The following OCA2 variants were observed in gnomAD, a reference collection of about 807,000 sequenced individuals.
OCA2 encodes the protein OCA2 melanosomal transmembrane protein, also known as P protein.
In OCA2, 77 loss-of-function variants were observed where a neutral mutation model predicts 100.2. The observed-to-expected ratio is 0.77, with a 90% CI of 0.64 to 0.93. The LOEUF (loss-of-function observed/expected upper bound fraction) is 0.93, where lower values mean the gene tolerates loss of function less well. OCA2 is among the 40% of genes least tolerant of loss of function. OCA2 has a pLI of 0.00. For missense variants in OCA2, 1,062 were observed against 1,089.1 expected (o/e 0.98, Z 0.35); for synonymous variants, 432 against 439.2 (o/e 0.98, Z 0.21).
chr15:27,966,647 G>A (rs749004960), intron 15 of OCA2, 43 bp downstream of exon 15: 2 of 1,607,106 alleles, frequency 1.2e-6, no homozygotes. Context: ...ACAATATTAT[G>A]GTCATGAAAT....
chr15:27,803,289 T>C (rs567117897), intron 23 of OCA2, among the ~76,000 whole-genome samples: 306 of 152,304 alleles, frequency 2.0e-3, no homozygotes, highest in Middle Eastern at 0.01. Flanking sequence ...CTCATCTTCA[T>C]AGCAGCATGA....
intron 23 of OCA2, among the ~76,000 whole-genome samples, chr15:27,794,402 C>CA (rs1566968334): frequency 6.6e-6 from 1 of 152,156 alleles, no homozygotes; most frequent in Admixed American, 6.5e-5. Flanking sequence ...AATTTTGAGG[C>CA]AGATTTTTAC....
intron 23 of OCA2, among the ~76,000 whole-genome samples, chr15:27,798,977 C>A (rs946649673): frequency 6.6e-6 from 1 of 152,178 alleles, no homozygotes; most frequent in Non-Finnish European, 1.5e-5. Context: ...AAGAGAGAGA[C>A]CAGCTGCAGG....
chr15:28,094,008 T>C (rs565004261), intron 1 of OCA2, among the ~76,000 whole-genome samples: 1 of 152,236 alleles, frequency 6.6e-6, no homozygotes, highest in South Asian at 2.1e-4. Flanking sequence ...GAACTCTCCC[T>C]CTTTCTCACA....
At chr15:27,886,032 T>C (rs371359054) in intron 19 of OCA2, among the ~76,000 whole-genome samples, 41 of 152,238 alleles carry the variant, frequency 2.7e-4, no homozygotes, top group African/African-American at 9.9e-4. Context: ...GCCCTGAGGA[T>C]GGATATTTGA....
the OCA2 span, among the ~76,000 whole-genome samples, chr15:27,721,941 G>C: frequency 6.6e-6 from 1 of 152,154 alleles, no homozygotes; most frequent in Admixed American, 6.5e-5. Context: ...GATGACCTCT[G>C]TGTCTCTGCA....
At chr15:27,725,551 A>T in the OCA2 span, among the ~76,000 whole-genome samples, 14 of 152,312 alleles carry the variant, frequency 9.2e-5, no homozygotes, top group Non-Finnish European at 1.9e-4. Flanking sequence ...CTGGGCAACA[A>T]GAGTGAGACT....
chr15:27,921,318 A>G (rs1341450201), intron 19 of OCA2, among the ~76,000 whole-genome samples: 1 of 151,664 alleles, frequency 6.6e-6, no homozygotes, highest in Non-Finnish European at 1.5e-5. Context: ...CTGGTGAAAG[A>G]AAAAAAAACT....
intron 19 of OCA2, among the ~76,000 whole-genome samples, chr15:27,892,245 C>T (rs139553762): frequency 6.6e-6 from 1 of 151,720 alleles, no homozygotes; most frequent in African/African-American, 2.4e-5. Context: ...CACTTCACTC[C>T]AAAACAGGAG....
intron 19 of OCA2, among the ~76,000 whole-genome samples, chr15:27,881,103 G>A (rs763711392): frequency 2.0e-5 from 3 of 151,984 alleles, no homozygotes; most frequent in Non-Finnish European, 4.4e-5. Context: ...CCTTTTTTGT[G>A]TCTATTGAGA....
At chr15:27,863,092 C>A (rs1261210354) in intron 21 of OCA2, among the ~76,000 whole-genome samples, 1 of 152,114 alleles carries the variant, frequency 6.6e-6, no homozygotes, top group East Asian at 1.9e-4. Context: ...GCTGACCTGA[C>A]AGGTCAGGAA....
At chr15:27,923,747 C>T (rs1003703481) in intron 19 of OCA2, among the ~76,000 whole-genome samples, 7 of 152,070 alleles carry the variant, frequency 4.6e-5, no homozygotes, top group African/African-American at 1.7e-4. Flanking sequence ...TCCTTATAGA[C>T]TTTGGTTCCT....
chr15:28,046,381 G>C (rs2141515297), intron 2 of OCA2, among the ~76,000 whole-genome samples: 1 of 152,296 alleles, frequency 6.6e-6, no homozygotes, highest in South Asian at 2.1e-4. Context: ...ATAAAGGGAG[G>C]AGGCAGTTGT....
chr15:27,857,214 G>C (rs946053628), intron 21 of OCA2, among the ~76,000 whole-genome samples: 1 of 152,166 alleles, frequency 6.6e-6, no homozygotes, highest in Non-Finnish European at 1.5e-5. Flanking sequence ...GAATCAAATA[G>C]AAATTCTGGA....
intron 16 of OCA2, 79 bp from the exon 17 acceptor site, chr15:27,955,294 T>G: frequency 9.5e-7 from 1 of 1,056,072 alleles, no homozygotes; most frequent in Non-Finnish European, 1.5e-6. Flanking sequence ...TCCCCAGCGC[T>G]TCGTGCCTGG....
Position 27,851,457 on chromosome 15 carries a change from G to C in OCA2, c.2263C>G (p.Leu755Val). 6.2e-7 allele frequency: 1 copy of C among 1,613,738 alleles called. No individual in the cohort carries two copies. Among genetic ancestry groups the C allele is most frequent in the Non-Finnish European group, 8.5e-7 (1 of 1,179,906 alleles). ...TATMIPVLLN[L>V]SHDPEVGLPA... The stretch of plus-strand genomic sequence containing the variant: ...AGGCCAACCTCAGGGTCGTGGCTCA[G>C]GTTCAGGAGCACGGGAATCTGTGGA... The change falls in exon 22 of 24, where the codon CTG (leucine) becomes GTG (valine). Residue 755 changes from leucine to valine, a missense_variant. Transcript: ENST00000354638.
chr15:28,053,384 T>G (rs2043579227), intron 2 of OCA2, among the ~76,000 whole-genome samples: 2 of 152,152 alleles, frequency 1.3e-5, no homozygotes, highest in South Asian at 4.1e-4. Flanking sequence ...CTCAATAGCC[T>G]GACCAAGGTG....
intron 21 of OCA2, among the ~76,000 whole-genome samples, chr15:27,851,823 A>G (rs1232242736): frequency 6.6e-6 from 1 of 152,168 alleles, no homozygotes; most frequent in Non-Finnish European, 1.5e-5. Flanking sequence ...CTAACTATGC[A>G]CACGTCATCT....
intron 23 of OCA2, among the ~76,000 whole-genome samples, chr15:27,827,274 G>A (rs2151297616): frequency 6.6e-6 from 1 of 152,296 alleles, no homozygotes; most frequent in African/African-American, 2.4e-5. Flanking sequence ...AGCCAGGACT[G>A]GGAAATCAAC....
Sources: gnomAD v4.1 joint callset for allele counts (sites outside exome capture counted in the v4.1 genomes callset) on GRCh38, gnomAD v4.1.1 for gene constraint, MANE v1.5 for transcripts, NCBI Gene and HGNC (gene_info 2026-07-23, HGNC 2026-07-21) for gene names.